FRMD6: variants seen among roughly 807,000 people sequenced by gnomAD.
The protein encoded by FRMD6 is FERM domain-containing protein 6.
A neutral mutation model predicts 73.2 loss-of-function variants in FRMD6; 37 were observed. The ratio of observed to expected loss-of-function variants is 0.51; its 90% confidence interval spans 0.39 to 0.66. FRMD6 has a LOEUF of 0.66. Among genes scored for constraint, FRMD6 ranks in the 30% least tolerant of loss-of-function variants. FRMD6 has a pLI of 0.00. For synonymous variants in FRMD6, 273 were observed against 282.2 expected (o/e 0.97, Z 0.33); for missense variants, 714 against 780.5 (o/e 0.91, Z 1.02).
intron 1 of FRMD6, among the ~76,000 whole-genome samples, chr14:51,659,097 A>G (rs968576086): frequency 6.6e-6 from 1 of 152,214 alleles, no homozygotes; most frequent in African/African-American, 2.4e-5. Context: ...AAATATAATG[A>G]TAGGAATGAG....
At chr14:51,683,041 T>A (rs1466236322) in intron 1 of FRMD6, among the ~76,000 whole-genome samples, 4 of 152,152 alleles carry the variant, frequency 2.6e-5, no homozygotes, top group Non-Finnish European at 5.9e-5. Flanking sequence ...CATACACCCA[T>A]ACGCACTGTC....
upstream of FRMD6, among the ~76,000 whole-genome samples, chr14:51,486,327 C>A (rs909636650): frequency 6.6e-6 from 1 of 152,068 alleles, no homozygotes; most frequent in African/African-American, 2.4e-5. Flanking sequence ...ATCCACCATG[C>A]CCGGCCTGCA....
At chr14:51,570,800 T>C (rs142304234) in intron 2 of FRMD6, among the ~76,000 whole-genome samples, 14 of 152,372 alleles carry the variant, frequency 9.2e-5, no homozygotes, top group African/African-American at 3.1e-4. Context: ...TTTCTTCCTT[T>C]CTTTTCTCCA....
the FRMD6 span, among the ~76,000 whole-genome samples, chr14:51,457,356 AAAAAACAACAAAACAAGAAG>A: frequency 5.9e-5 from 9 of 152,328 alleles, no homozygotes; most frequent in African/African-American, 1.9e-4. Context: ...TGACTAGAAA[AAAAAACAACAAAACAAGAAG>A]AAAAACGAAC....
At chr14:51,664,786 C>T (rs569456833) in intron 1 of FRMD6, among the ~76,000 whole-genome samples, 9 of 152,112 alleles carry the variant, frequency 5.9e-5, no homozygotes, top group South Asian at 2.1e-4. Context: ...CTGTTTTATT[C>T]GCATCATTTT....
intron 2 of FRMD6, among the ~76,000 whole-genome samples, chr14:51,626,104 A>G (rs1566510574): frequency 6.6e-6 from 1 of 152,232 alleles, no homozygotes; most frequent in Admixed American, 6.5e-5. Context: ...AGAATTTTCT[A>G]TGAAGGTGGT....
intron 2 of FRMD6, among the ~76,000 whole-genome samples, chr14:51,598,841 T>A (rs752856640): frequency 6.6e-6 from 1 of 152,224 alleles, no homozygotes; most frequent in East Asian, 1.9e-4. Context: ...TTGTGAATAG[T>A]GCTGCACTGA....
chr14:51,417,559 A>C, the FRMD6 span, among the ~76,000 whole-genome samples: 1 of 152,110 alleles, frequency 6.6e-6, no homozygotes, highest in Non-Finnish European at 1.5e-5. Flanking sequence ...GGGTAACCCA[A>C]CCTTTCTCTC....
At chr14:51,584,169 G>C (rs1596655218) in intron 2 of FRMD6, 5 of 152,308 alleles carry the variant, frequency 3.3e-5, no homozygotes, top group Admixed American at 3.3e-4. Flanking sequence ...CACTCACCTA[G>C]TGGCAGCATT....
At chr14:51,505,469 AAG>A (rs1169853383) in intron 1 of FRMD6, among the ~76,000 whole-genome samples, 1 of 152,178 alleles carries the variant, frequency 6.6e-6, no homozygotes, top group African/African-American at 2.4e-5. Context: ...GACAAGGACA[AAG>A]AGGTTGTCTA....
At chr14:51,720,631 G>T in intron 11 of FRMD6, 4 of 522,018 alleles carry the variant, frequency 7.7e-6, no homozygotes, top group South Asian at 6.6e-5. Flanking sequence ...AGTCTTAGCT[G>T]TTTCTATGAA....
chr14:51,621,110 C>G (rs1318184789), intron 2 of FRMD6, among the ~76,000 whole-genome samples: 5 of 152,028 alleles, frequency 3.3e-5, no homozygotes, highest in Non-Finnish European at 7.4e-5. Context: ...TTTATGTGCC[C>G]AAATCAGCAC....
At chr14:51,594,185 C>T (rs577139019) in intron 2 of FRMD6, among the ~76,000 whole-genome samples, 6 of 152,124 alleles carry the variant, frequency 3.9e-5, no homozygotes, top group East Asian at 1.9e-4. Flanking sequence ...AGTGCAGTGG[C>T]GCGATCTCGG....
the FRMD6 span, among the ~76,000 whole-genome samples, chr14:51,476,970 G>C: frequency 1.3e-5 from 2 of 152,188 alleles, no homozygotes; most frequent in African/African-American, 2.4e-5. Context: ...GGAGTGAAAG[G>C]ATTAAGATGA....
chr14:51,405,824 G>A, the FRMD6 span, among the ~76,000 whole-genome samples: 1 of 152,046 alleles, frequency 6.6e-6, no homozygotes, highest in African/African-American at 2.4e-5. Context: ...CTGTGCAGAA[G>A]CTCTTTAGTT....
intron 1 of FRMD6, among the ~76,000 whole-genome samples, chr14:51,492,662 G>T (rs577763799): frequency 5.5e-4 from 84 of 152,134 alleles, no homozygotes; most frequent in Non-Finnish European, 9.3e-4. Flanking sequence ...GAGAATAAAA[G>T]AATTGCAGAT....
rs1471779533 is a variant in FRMD6 at position 51,727,765 on chromosome 14, G to A, written c.1605G>A (p.Lys535=). ...SLPQTICRKP[K]TSTDRHSLSL... is the part of the protein sequence containing the mutation. ...TGCAGACTATATGTCGGAAACCAAAGACCTCCACTGATCGACACAGCTTGA... is the reference window on the plus strand; with the variant it reads ...TGCAGACTATATGTCGGAAACCAAAAACCTCCACTGATCGACACAGCTTGA... The change falls in exon 14 of 14, where the codon AAG becomes AAA. Residue 535 remains lysine (K), a synonymous_variant. Transcript: ENST00000344768. 1.2e-6 allele frequency: 2 copies of A among 1,604,782 alleles called. No individual in the cohort carries two copies. Among genetic ancestry groups the A allele is most frequent in the Non-Finnish European group, 1.7e-6 (2 of 1,172,252 alleles).
chr14:51,526,048 T>C (rs976606475), intron 1 of FRMD6, among the ~76,000 whole-genome samples: 1 of 152,186 alleles, frequency 6.6e-6, no homozygotes, highest in East Asian at 1.9e-4. Context: ...ACCAGTGAGC[T>C]GTGTCTTGTA....
chr14:51,637,368 T>G (rs1179496820), intron 2 of FRMD6: 1 of 152,162 alleles, frequency 6.6e-6, no homozygotes, highest in Non-Finnish European at 1.5e-5. Flanking sequence ...ATTGATTTTA[T>G]TCTGTAATTG....
Sources: gnomAD v4.1 joint callset for allele counts (sites outside exome capture counted in the v4.1 genomes callset) on GRCh38, gnomAD v4.1.1 for gene constraint, MANE v1.5 for transcripts, NCBI Gene and HGNC (gene_info 2026-07-23, HGNC 2026-07-21) for gene names.